DNM3: variants seen among roughly 807,000 people sequenced by gnomAD.
DNM3 encodes the protein dynamin-3.
Under a neutral mutation model 101.6 loss-of-function variants are expected in DNM3, and 47 were observed. The observed-to-expected ratio is 0.46, with a 90% CI of 0.37 to 0.59. DNM3 has a LOEUF of 0.59. Ranked by LOEUF, DNM3 falls within the 20% of genes least tolerant of loss-of-function variation. DNM3 has a pLI of 0.00. For missense variants in DNM3, 849 were observed against 1,085.7 expected (o/e 0.78, Z 3.06); for synonymous variants, 385 against 387.9 (o/e 0.99, Z 0.09).
chr1:171,938,561 C>T (rs181726798), intron 2 of DNM3, among the ~76,000 whole-genome samples: 54 of 152,264 alleles, frequency 3.5e-4, no homozygotes, highest in African/African-American at 1.3e-3. Context: ...GTTTGAGGAT[C>T]ACTGGAATAG....
At chr1:172,401,447 C>T (rs1015333176) in intron 20 of DNM3, among the ~76,000 whole-genome samples, 6 of 152,166 alleles carry the variant, frequency 3.9e-5, no homozygotes, top group African/African-American at 1.4e-4. Context: ...ATTTATGTCA[C>T]AGGCTAATTT....
At chr1:172,336,914 C>T (rs565931950) in intron 17 of DNM3, among the ~76,000 whole-genome samples, 1 of 152,278 alleles carries the variant, frequency 6.6e-6, no homozygotes, top group East Asian at 1.9e-4. Flanking sequence ...TGACAATCTA[C>T]CTCACGAGGA....
At chr1:171,919,727 GTATT>G (rs1433680079) in intron 1 of DNM3, among the ~76,000 whole-genome samples, 4 of 152,306 alleles carry the variant, frequency 2.6e-5, no homozygotes, top group African/African-American at 9.6e-5. Flanking sequence ...TATTAAAAGT[GTATT>G]TAGTTATATG....
In DNM3 at chr1:171,893,559, T is replaced by C. The variant is rs530155686; in HGVS notation, c.162-28189T>C. Reference sequence around the variant, plus strand: ...GCCTTGATTTCCTGAGCTCAAGCAATCCTTCCACCTCAGCCTCCCAAATAA... The same window carrying C: ...GCCTTGATTTCCTGAGCTCAAGCAACCCTTCCACCTCAGCCTCCCAAATAA... On this transcript the variant is annotated intron_variant, in intron 1 of 20. Transcript: ENST00000627582. 1.2e-4 allele frequency among the ~76,000 whole-genome samples: 19 copies of C among 152,076 alleles called. No individual in the cohort carries two copies. In the East Asian group the frequency reaches 3.5e-3, roughly 28 times the overall value.
intron 13 of DNM3, among the ~76,000 whole-genome samples, chr1:172,108,418 TTAG>T (rs2147929167): frequency 6.6e-6 from 1 of 152,328 alleles, no homozygotes; most frequent in Non-Finnish European, 1.5e-5. Context: ...TGGAGTAGTC[TTAG>T]TAGCTTGAAA....
Position 172,388,758 on chromosome 1 carries a change from C to A in DNM3, c.2471C>A (p.Ala824Asp). 6.2e-7 allele frequency: 1 copy of A among 1,609,470 alleles called. No homozygotes were observed. Among genetic ancestry groups the A allele is most frequent in the Non-Finnish European group, 8.5e-7 (1 of 1,177,914 alleles). The change falls in exon 20 of 21, where the codon GCC becomes GAC. Residue 824 changes from alanine (A) to aspartate (D), a missense_variant. By Grantham distance (126) the Ala-to-Asp change is moderately radical. This residue lies in a region of DNM3 where 256 missense variants were observed against 311.7 expected (regional missense o/e 0.82). Transcript: ENST00000627582. ...CCCAGCAGCAGTGACTCCTTCGGAG[C>A]CCCTCCACAAGTTCCATCTAGGCCT... is the stretch of plus-strand genomic sequence containing the variant. Reference protein sequence around the residue: ...PFPSSSDSFGAPPQVPSRPTR... With the variant: ...PFPSSSDSFGDPPQVPSRPTR...
At chr1:172,065,520 C>CA (rs2051582137) in intron 10 of DNM3, among the ~76,000 whole-genome samples, 3 of 152,202 alleles carry the variant, frequency 2.0e-5, no homozygotes, top group African/African-American at 7.2e-5. Flanking sequence ...ATAAGCCTCA[C>CA]AAAAAATAAC....
chr1:171,928,226 GC>G (rs1231689022), intron 2 of DNM3, among the ~76,000 whole-genome samples: 4 of 152,138 alleles, frequency 2.6e-5, no homozygotes, highest in African/African-American at 9.7e-5. Context: ...CCTCACAGTT[GC>G]AGCTCTGTTC....
At chr1:171,889,303 C>T (rs866606795) in intron 1 of DNM3, among the ~76,000 whole-genome samples, 3 of 151,766 alleles carry the variant, frequency 2.0e-5, no homozygotes, top group Non-Finnish European at 4.4e-5. Context: ...GAGAGAGAGG[C>T]GTATGGACAA....
rs138540712 is a variant in DNM3, at chr1:172,354,112, T to TGTGTGTGAGAGAGAGA, written c.1894-24905_1894-24904insTGTGTGAGAGAGAGAG. Among the ~76,000 whole-genome samples the TGTGTGTGAGAGAGAGA allele has an allele frequency of 1.5e-3, 138 of 94,962 alleles. 1 individual carries two copies. The highest frequency in any genetic ancestry group is 5.2e-3 in the African/African-American group (118 of 22,610). 62.3% of individuals were successfully genotyped at this position (94,962 alleles called of 152,430 possible). A position where few individuals can be genotyped will look rare whatever the true frequency, so the allele number is the denominator to read the frequency against. ...GGGTGTGTGTGTGTGTGTGTGTGTG[T>TGTGTGTGAGAGAGAGA]GAGAGAGAGAGAGAGAGAGAGAGAG... is the stretch of plus-strand genomic sequence containing the variant. On this transcript the variant is annotated intron_variant, in intron 17 of 20. Coordinates refer to ENST00000627582, the MANE Select transcript of DNM3 (RefSeq NM_015569.5).
chr1:171,906,658 A>G (rs1184313552), intron 1 of DNM3, among the ~76,000 whole-genome samples: 1 of 152,160 alleles, frequency 6.6e-6, no homozygotes, highest in African/African-American at 2.4e-5. Context: ...TTTGGAAGCT[A>G]TATGTTATTT....
chr1:172,198,022 C>T (rs2060016833), intron 14 of DNM3, among the ~76,000 whole-genome samples: 1 of 152,102 alleles, frequency 6.6e-6, no homozygotes, highest in Non-Finnish European at 1.5e-5. Context: ...TTTTCCCATT[C>T]AGTAAAATGT....
intron 14 of DNM3, among the ~76,000 whole-genome samples, chr1:172,206,374 A>G (rs1014158007): frequency 1.3e-5 from 2 of 152,158 alleles, no homozygotes; most frequent in Non-Finnish European, 2.9e-5. Flanking sequence ...TTTCCTTGAA[A>G]CAAGCATTGA....
intron 1 of DNM3, among the ~76,000 whole-genome samples, chr1:171,887,864 C>T (rs1310663875): frequency 6.6e-6 from 1 of 151,248 alleles, no homozygotes; most frequent in Admixed American, 6.6e-5. Flanking sequence ...GTTTTTTTTC[C>T]ACTGTCTTTT....
At chr1:171,999,463 A>T (rs541912223) in intron 4 of DNM3, among the ~76,000 whole-genome samples, 1 of 152,266 alleles carries the variant, frequency 6.6e-6, no homozygotes, top group South Asian at 2.1e-4. Context: ...TGAGATGCTC[A>T]TTAAACACCT....
intron 2 of DNM3, among the ~76,000 whole-genome samples, chr1:171,959,857 C>T (rs2125496332): frequency 1.3e-5 from 2 of 152,150 alleles, no homozygotes; most frequent in East Asian, 3.9e-4. Context: ...AACTCTGTTT[C>T]AGAGCTGTGG....
Position 172,410,723 on chromosome 1 carries a change from C to A in DNM3, c.*2882C>A. 1.0e-6 allele frequency: 1 copy of A among 985,214 alleles called. No homozygotes were observed. Among genetic ancestry groups the A allele is most frequent in the Non-Finnish European group, 1.2e-6 (1 of 829,804 alleles). The allele number at this position is 985,214 out of a possible 1,614,324, so 61.0% of individuals were successfully genotyped here. ...TTATTAGCAAATTTCCTATTTGTTCCAATACAAACTCACTTTATTCTAAAG... is the reference window on the plus strand; with the variant it reads ...TTATTAGCAAATTTCCTATTTGTTCAAATACAAACTCACTTTATTCTAAAG... On this transcript the variant is annotated 3_prime_UTR_variant, in exon 21 of 21. Coordinates refer to ENST00000627582, the MANE Select transcript of DNM3 (RefSeq NM_015569.5).
At chr1:172,047,577 A>G (rs2049906067) in intron 9 of DNM3, among the ~76,000 whole-genome samples, 1 of 152,174 alleles carries the variant, frequency 6.6e-6, no homozygotes, top group Admixed American at 6.6e-5. Context: ...CAGTGGAAAA[A>G]TTTTAATATT....
intron 18 of DNM3, among the ~76,000 whole-genome samples, chr1:172,386,433 G>A (rs1365880129): frequency 6.6e-6 from 1 of 152,092 alleles, no homozygotes; most frequent in Non-Finnish European, 1.5e-5. Context: ...CTCCCACATA[G>A]TGTTCATACT....
Sources: allele counts gnomAD v4.1 joint callset (sites outside exome capture counted in the v4.1 genomes callset), GRCh38; gene constraint gnomAD v4.1.1; regional missense constraint gnomAD v4.1.1; transcripts MANE v1.5; gene names NCBI Gene and HGNC (gene_info 2026-07-23, HGNC 2026-07-21).